Variants in ZNF346 observed in about 807,000 individuals in gnomAD.
The protein encoded by ZNF346 is double-stranded RNA-binding zinc finger protein JAZ.
In ZNF346, 23 loss-of-function variants were observed where a neutral mutation model predicts 33.7. The ratio of observed to expected loss-of-function variants is 0.68; its 90% CI spans 0.49 to 0.97. ZNF346 has a LOEUF of 0.97. ZNF346 is among the 50% of genes least tolerant of loss of function. The pLI is 0.00. For synonymous variants in ZNF346, 134 were observed against 142.4 expected (o/e 0.94, Z 0.42); for missense variants, 340 against 371.1 (o/e 0.92, Z 0.69).
At position 177,022,766 on chromosome 5, in the gene ZNF346, CA is replaced by C. The variant is rs1233140989; in HGVS notation, c.29del (p.Gln10ArgfsTer53). 6.4e-7 allele frequency: 1 copy of C among 1,558,194 alleles called. No individual in the cohort carries two copies. The highest frequency in any genetic ancestry group is 8.7e-7 in the Non-Finnish European group (1 of 1,154,988). On this transcript the variant is annotated frameshift_variant, in exon 1 of 7. Transcript: ENST00000358149. LOFTEE classifies it high-confidence loss of function. Reference protein sequence around the residue: MEYPAPATVQAADGGAAGPY... With the variant: MEYPAPATVXAADGGAAGPY... ...GGAGTATCCCGCGCCGGCCACGGTGCAGGCCGCGGACGGCGGAGCGGCCGGG... is the reference window on the plus strand; with the variant it reads ...GGAGTATCCCGCGCCGGCCACGGTGCGGCCGCGGACGGCGGAGCGGCCGGG...
At chr5:177,062,265 GT>G in intron 6 of ZNF346, 114 bp downstream of exon 6, 1 of 788,636 alleles carries the variant, frequency 1.3e-6, no homozygotes, top group Non-Finnish European at 2.2e-6. Flanking sequence ...TCTTTTTTCA[GT>G]GAACAGAAGA....
intron 6 of ZNF346, among the ~76,000 whole-genome samples, chr5:177,063,534 C>T (rs1295441639): frequency 6.6e-6 from 1 of 152,150 alleles, no homozygotes; most frequent in Admixed American, 6.5e-5. Flanking sequence ...TACATACCTC[C>T]CTTGCAGCCT....
intron 4 of ZNF346, 36 bp from the exon 5 acceptor site, chr5:177,050,715 G>C (rs200754200): frequency 4.2e-4 from 677 of 1,613,720 alleles, no homozygotes; most frequent in Admixed American, 1.5e-3. Context: ...CTGTCAAAAC[G>C]CCTTACAAAT....
chr5:177,062,058 C>T lies in ZNF346; in HGVS notation c.704C>T (p.Ala235Val). The part of the protein sequence containing the change: ...LADPAVTDFP[A>V]GKGYPCKTCK... ...AGATCTTGATTTTGATGTGTTTCAG[C>T]TGGAAAGGGCTACCCCTGCAAAACA... The change falls in exon 6 of 7, where the codon GCT (alanine) becomes GTT (valine). Residue 235 changes from alanine to valine, a missense_variant and splice_region_variant. Ala to Val is a moderately conservative substitution (Grantham distance 64). Coordinates refer to ENST00000358149, the MANE Select transcript of ZNF346 (RefSeq NM_012279.4). The T allele has an allele frequency of 6.2e-7, 1 of 1,612,994 alleles. No homozygotes were observed.
At chr5:177,075,665 C>T (rs977918519) in intron 8 of ZNF346, among the ~76,000 whole-genome samples, 5 of 151,818 alleles carry the variant, frequency 3.3e-5, no homozygotes, top group Non-Finnish European at 7.4e-5. Flanking sequence ...TACAGGCATG[C>T]GCCACTGTGC....
intron 1 of ZNF346, among the ~76,000 whole-genome samples, chr5:177,024,894 T>G (rs1776540457): frequency 1.3e-5 from 2 of 152,244 alleles, no homozygotes; most frequent in Admixed American, 1.3e-4. Context: ...CACATTTATG[T>G]GAAATCTAGG....
intron 1 of ZNF346, 34 bp from the exon 2 acceptor site, chr5:177,041,092 T>A (rs1184311924): frequency 1.3e-6 from 2 of 1,536,536 alleles, no homozygotes; most frequent in Non-Finnish European, 1.8e-6. Context: ...GTAGTGTTTG[T>A]CAACTCAATG....
At chr5:177,060,551 G>A (rs1782364026) in intron 5 of ZNF346, among the ~76,000 whole-genome samples, 1 of 150,834 alleles carries the variant, frequency 6.6e-6, no homozygotes, top group Admixed American at 6.6e-5. Context: ...CTCAACACCT[G>A]TAATCCCAGC....
At chr5:177,064,393 G>C (rs1177628724) in intron 6 of ZNF346, 119 bp from the exon 7 acceptor site, 1 of 741,898 alleles carries the variant, frequency 1.3e-6, no homozygotes, top group Non-Finnish European at 2.3e-6. Flanking sequence ...GTGGACCTCA[G>C]TGAAGGAAAG....
intron 5 of ZNF346, chr5:177,052,482 CAAAAAAA>C (rs369967648): frequency 1.7e-5 from 2 of 114,982 alleles, no homozygotes; most frequent in African/African-American, 6.9e-5. Flanking sequence ...CAAGCCCAGC[CAAAAAAA>C]AAAAAAACTA....
At chr5:177,078,647 A>G (rs2080928) in intron 8 of ZNF346, among the ~76,000 whole-genome samples, 5,546 of 152,260 alleles carry the variant, frequency 0.036, 349 homozygotes, top group African/African-American at 0.12. Context: ...CGTAATAGCT[A>G]GTGTCTGTAA....
chr5:177,035,056 G>A (rs1321143388), intron 1 of ZNF346, among the ~76,000 whole-genome samples: 4 of 148,818 alleles, frequency 2.7e-5, no homozygotes, highest in Admixed American at 6.8e-5. Context: ...TTACTCTGTC[G>A]CCCAGGCTCA....
chr5:177,070,710 G>A (rs749746216), downstream of ZNF346, among the ~76,000 whole-genome samples: 17 of 152,152 alleles, frequency 1.1e-4, no homozygotes, highest in Non-Finnish European at 1.6e-4. Flanking sequence ...CCCCTGGAGC[G>A]GGGGTAAGGC....
intron 8 of ZNF346, among the ~76,000 whole-genome samples, chr5:177,075,556 C>T (rs772294683): frequency 3.3e-5 from 5 of 152,178 alleles, no homozygotes; most frequent in Non-Finnish European, 5.9e-5. Context: ...CTTGCTGTGT[C>T]CCCCAGGCTG....
chr5:177,029,886 A>G (rs1777416671), intron 1 of ZNF346, among the ~76,000 whole-genome samples: 1 of 152,226 alleles, frequency 6.6e-6, no homozygotes, highest in African/African-American at 2.4e-5. Flanking sequence ...TGGCATCAGA[A>G]GTAGGGCTCA....
rs1039737483 is a variant in ZNF346 at position 177,022,806 on chromosome 5, C to G, written c.68C>G (p.Ser23Trp). ...DGGAAGPYSSSELLEGQEPDG... is the reference protein window; with the variant it reads ...DGGAAGPYSSWELLEGQEPDG... ...GGAGCGGCCGGGCCTTACAGCAGCT[C>G]GGAGTTGCTGGAGGGCCAGGAGCCG... The change falls in exon 1 of 7, where the codon TCG (serine) becomes TGG (tryptophan). Residue 23 changes from serine to tryptophan, a missense_variant. Ser to Trp is a radical substitution (Grantham distance 177). Coordinates refer to ENST00000358149, the MANE Select transcript of ZNF346 (RefSeq NM_012279.4). The G allele has an allele frequency of 3.9e-6, 6 of 1,543,754 alleles. No homozygotes were observed. In the African/African-American group the frequency reaches 8.3e-5, roughly 21 times the overall value.
At chr5:177,051,423 C>T (rs1225835767) in intron 5 of ZNF346, among the ~76,000 whole-genome samples, 2 of 151,906 alleles carry the variant, frequency 1.3e-5, no homozygotes, top group Non-Finnish European at 2.9e-5. Context: ...GATCCGCCCA[C>T]CTCGGCCTCC....
intron 5 of ZNF346, among the ~76,000 whole-genome samples, chr5:177,060,015 G>T (rs563929733): frequency 3.7e-4 from 57 of 152,324 alleles, no homozygotes; most frequent in African/African-American, 1.3e-3. Flanking sequence ...GGATAGTATG[G>T]GACGTAGTGA....
chr5:177,068,258 T>C (rs150601280), downstream of ZNF346, among the ~76,000 whole-genome samples: 8 of 144,304 alleles, frequency 5.5e-5, no homozygotes, highest in East Asian at 1.2e-3. Flanking sequence ...ATTTTTCTCA[T>C]AATTTTGTCC....
Sources: gnomAD v4.1 joint callset for allele counts (sites outside exome capture counted in the v4.1 genomes callset) on GRCh38, gnomAD v4.1.1 for gene constraint, MANE v1.5 for transcripts, NCBI Gene and HGNC (gene_info 2026-07-23, HGNC 2026-07-21) for gene names.